The following PLEKHA7 variants were observed in gnomAD, a reference collection of about 807,000 sequenced individuals.
The protein encoded by PLEKHA7 is pleckstrin homology domain containing A7, also known as pleckstrin homology domain-containing family A member 7.
Under a neutral mutation model 170.0 loss-of-function variants are expected in PLEKHA7, and 104 were observed. That is an observed-to-expected ratio of 0.61 (90% CI 0.52 to 0.72). PLEKHA7 has a LOEUF of 0.72. Ranked by LOEUF, PLEKHA7 falls within the 30% of genes least tolerant of loss-of-function variation. The pLI is 0.00. For synonymous variants in PLEKHA7, 648 were observed against 660.8 expected (o/e 0.98, Z 0.30); for missense variants, 1,615 against 1,671.7 (o/e 0.97, Z 0.59).
chr11:16,928,537 G>A (rs1164306164), intron 3 of PLEKHA7, among the ~76,000 whole-genome samples: 2 of 150,106 alleles, frequency 1.3e-5, no homozygotes, highest in East Asian at 2.0e-4. Context: ...CTGCAGCCTC[G>A]ACCTCCCAGA....
intron 3 of PLEKHA7, among the ~76,000 whole-genome samples, chr11:16,898,023 CT>C (rs201013644): frequency 2.0e-5 from 3 of 151,292 alleles, no homozygotes; most frequent in African/African-American, 4.9e-5. Flanking sequence ...AAGGCCATTC[CT>C]TTTTTTTTCT....
intron 8 of PLEKHA7, among the ~76,000 whole-genome samples, chr11:16,850,016 C>T (rs1852791594): frequency 6.6e-6 from 1 of 152,166 alleles, no homozygotes; most frequent in Non-Finnish European, 1.5e-5. Context: ...ACTATGGCTC[C>T]AGATCAAGGT....
intron 3 of PLEKHA7, among the ~76,000 whole-genome samples, chr11:16,964,294 G>A (rs1390441710): frequency 6.6e-6 from 1 of 152,200 alleles, no homozygotes; most frequent in Non-Finnish European, 1.5e-5. Flanking sequence ...ACAAATATCT[G>A]TTTGAGCTCC....
intron 10 of PLEKHA7, among the ~76,000 whole-genome samples, chr11:16,825,120 C>T (rs896819127): frequency 1.3e-5 from 2 of 152,246 alleles, no homozygotes; most frequent in South Asian, 4.1e-4. Context: ...TATCCACCAT[C>T]CACTCTCACA....
chr11:16,948,612 ATGCACACACATG>A (rs1003645057), intron 3 of PLEKHA7, among the ~76,000 whole-genome samples: 2 of 146,700 alleles, frequency 1.4e-5, no homozygotes, highest in Non-Finnish European at 3.0e-5. Context: ...CGCACCCCAC[ATGCACACACATG>A]TGCACACACA....
intron 3 of PLEKHA7, among the ~76,000 whole-genome samples, chr11:16,947,589 TAAA>T (rs79807953): frequency 5.6e-5 from 6 of 107,908 alleles, no homozygotes; most frequent in Non-Finnish European, 7.8e-5. Flanking sequence ...AGACTCCACC[TAAA>T]AAAAAAAAAA....
intron 3 of PLEKHA7, among the ~76,000 whole-genome samples, chr11:16,951,514 T>C (rs894368465): frequency 6.6e-6 from 1 of 152,184 alleles, no homozygotes; most frequent in Non-Finnish European, 1.5e-5. Context: ...CCATGTATAA[T>C]GCAAATACGG....
intron 9 of PLEKHA7, among the ~76,000 whole-genome samples, chr11:16,829,326 T>C (rs1850919635): frequency 1.3e-5 from 2 of 152,140 alleles, no homozygotes; most frequent in South Asian, 2.1e-4. Flanking sequence ...CTAAATTCCC[T>C]TTTTCAGTTG....
intron 12 of PLEKHA7, among the ~76,000 whole-genome samples, chr11:16,814,573 C>CTTTGCAG (rs1331178795): frequency 6.6e-6 from 1 of 152,202 alleles, no homozygotes; most frequent in African/African-American, 2.4e-5. Flanking sequence ...AACGTTCTTG[C>CTTTGCAG]AACAGTTTAG....
intron 9 of PLEKHA7, among the ~76,000 whole-genome samples, chr11:16,841,183 C>A (rs1328764770): frequency 6.6e-6 from 1 of 152,190 alleles, no homozygotes; most frequent in Non-Finnish European, 1.5e-5. Context: ...GAGGGAGCAA[C>A]CGGAAGATCA....
intron 3 of PLEKHA7, among the ~76,000 whole-genome samples, chr11:16,928,173 C>T (rs774728626): frequency 2.6e-5 from 4 of 152,108 alleles, no homozygotes; most frequent in Non-Finnish European, 2.9e-5. Flanking sequence ...CAGAATGTGA[C>T]GGTTCACGCC....
At chr11:16,835,062 G>A (rs149118473) in intron 9 of PLEKHA7, among the ~76,000 whole-genome samples, 40 of 152,258 alleles carry the variant, frequency 2.6e-4, no homozygotes, top group African/African-American at 8.7e-4. Flanking sequence ...TTGAACCCAG[G>A]AGTTCGAGGC....
chr11:16,969,740 G>A (rs768658841), intron 3 of PLEKHA7, among the ~76,000 whole-genome samples: 4 of 152,220 alleles, frequency 2.6e-5, no homozygotes, highest in Non-Finnish European at 4.4e-5. Flanking sequence ...AGACTTGAAA[G>A]ATGGAGAAGG....
chr11:16,822,502 GAAAAAAA>G (rs775136335), intron 10 of PLEKHA7, among the ~76,000 whole-genome samples: 16 of 78,928 alleles, frequency 2.0e-4, no homozygotes, highest in Middle Eastern at 0.013. Context: ...TTTGGTAGGG[GAAAAAAA>G]AAAAAAAAAA....
chr11:16,832,585 T>C (rs1469542831), intron 9 of PLEKHA7, among the ~76,000 whole-genome samples: 3 of 152,158 alleles, frequency 2.0e-5, no homozygotes, highest in East Asian at 1.9e-4. Context: ...TTTCCTCCTA[T>C]CTTAATGCTA....
intron 3 of PLEKHA7, among the ~76,000 whole-genome samples, chr11:16,960,210 T>G (rs940344710): frequency 2.6e-5 from 4 of 152,070 alleles, no homozygotes; most frequent in African/African-American, 9.7e-5. Context: ...CCAGAATGCA[T>G]AGCACCCCCA....
chr11:16,817,591 T>C lies in PLEKHA7; in HGVS notation c.1344-269A>G, dbSNP rs935955028. Among the ~76,000 whole-genome samples the C allele has an allele frequency of 2.6e-5, 4 of 152,196 alleles. No individual in the cohort carries two copies. The highest frequency in any genetic ancestry group is 1.5e-5 in the Non-Finnish European group (1 of 68,034). On this transcript the variant is annotated intron_variant, in intron 10 of 26. Transcript: ENST00000531066. This position sits in a 1 kb window ranked among gnomAD's most constrained non-coding sequence, Gnocchi z 4.4. ...GGAGTGCAATGTGATTAAACCTGGC[T>C]TTTCCTTCTCTCTCCGCTGCCAGCA...
chr11:16,943,810 G>A (rs999838001), intron 3 of PLEKHA7, among the ~76,000 whole-genome samples: 8 of 152,172 alleles, frequency 5.3e-5, no homozygotes, highest in African/African-American at 1.9e-4. Flanking sequence ...GACAGTGCCA[G>A]GAGAAACTAA....
In PLEKHA7 at chr11:16,831,373, G is replaced by C. The variant is rs1590258185; in HGVS notation, c.873-4783C>G. Among the ~76,000 whole-genome samples the C allele has an allele frequency of 2.0e-5, 3 of 152,234 alleles. No homozygotes were observed. In the East Asian group the frequency reaches 5.8e-4, roughly 29 times the overall value. The stretch of plus-strand genomic sequence containing the variant: ...AATTTGTGACACTTGTCACAAAACA[G>C]ATCTGCAATGCTCGATTTAGCACAA... On this transcript the variant is annotated intron_variant, in intron 9 of 26. Transcript: ENST00000531066.
Sources: allele counts gnomAD v4.1 joint callset (sites outside exome capture counted in the v4.1 genomes callset), GRCh38; gene constraint gnomAD v4.1.1; non-coding constraint Gnocchi (gnomAD v3.1); transcripts MANE v1.5; gene names NCBI Gene and HGNC (gene_info 2026-07-23, HGNC 2026-07-21).